The following TLL1 variants were observed in gnomAD, a reference collection of about 807,000 sequenced individuals.
The protein encoded by TLL1 is tolloid-like protein 1.
In TLL1, 49 loss-of-function variants were observed where a neutral mutation model predicts 128.2. That is an observed-to-expected ratio of 0.38 (90% CI 0.30 to 0.48). The LOEUF is 0.48. Among genes scored for constraint, TLL1 ranks in the 20% least tolerant of loss-of-function variants. The pLI, the probability that TLL1 is intolerant of heterozygous loss-of-function variation, is 0.96. For missense variants in TLL1, 1,123 were observed against 1,242.0 expected, an observed-to-expected ratio of 0.90 and a Z score of 1.44; for synonymous variants, 454 against 418.8, an observed-to-expected ratio of 1.08 and a Z score of -1.03.
At chr4:165,989,636 GT>G in intron 2 of TLL1, 145 bp downstream of exon 2, 1 of 591,130 alleles carries the variant, frequency 1.7e-6, no homozygotes, top group Non-Finnish European at 2.9e-6. Context: ...AGAAATGCAG[GT>G]TTTATTCATA....
intron 10 of TLL1, among the ~76,000 whole-genome samples, chr4:166,041,725 T>A (rs559774554): frequency 6.6e-6 from 1 of 152,350 alleles, no homozygotes; most frequent in East Asian, 1.9e-4. Context: ...CCTTGATGCA[T>A]CATTTGACCT....
chr4:165,896,533 A>AGTGCAGTG (rs1731689570), intron 1 of TLL1, among the ~76,000 whole-genome samples: 1 of 130,026 alleles, frequency 7.7e-6, no homozygotes, highest in Non-Finnish European at 1.5e-5. Context: ...CCCAGACTGG[A>AGTGCAGTG]GTGCAGTGGC....
Position 166,055,107 on chromosome 4 carries a change from A to G in TLL1, c.1556A>G (p.Tyr519Cys), listed in dbSNP as rs780122164. 2 of 1,612,494 alleles carry G rather than the reference A, an allele frequency of 1.2e-6. No individual in the cohort carries two copies. The highest frequency in any genetic ancestry group is 1.1e-5 in the South Asian group (1 of 90,654). ...AGACATGACAATTGTGCTTATGACT[A>G]CCTGGAAGTTAGAGATGGAACCAGT... ...IERHDNCAYD[Y>C]LEVRDGTSEN... is the part of the protein sequence containing the mutation. Residue 519 changes from tyrosine (Y) to cysteine (C), a missense_variant, in exon 13 of 21, where the codon TAC becomes TGC. Tyr to Cys is a radical substitution (Grantham distance 194, BLOSUM62 -2). Around this residue, in one of 3 missense-constraint regions of TLL1, gnomAD observed 634 missense variants for 672.4 expected, o/e 0.94. Coordinates refer to ENST00000061240, the MANE Select transcript of TLL1 (RefSeq NM_012464.5).
At chr4:166,085,664 G>A (rs991553219) in intron 18 of TLL1, among the ~76,000 whole-genome samples, 5 of 151,986 alleles carry the variant, frequency 3.3e-5, no homozygotes, top group Non-Finnish European at 7.4e-5. Flanking sequence ...TCAATGTGCT[G>A]TTGAATTCTG....
chr4:165,913,493 G>A (rs970288582), intron 1 of TLL1, among the ~76,000 whole-genome samples: 3 of 152,184 alleles, frequency 2.0e-5, no homozygotes, highest in Non-Finnish European at 2.9e-5. Flanking sequence ...GGGCAAAGCT[G>A]ATCCTTTTTA....
At chr4:166,051,181 A>G (rs1192042872) in intron 12 of TLL1, among the ~76,000 whole-genome samples, 5 of 152,146 alleles carry the variant, frequency 3.3e-5, no homozygotes, top group Non-Finnish European at 7.4e-5. Flanking sequence ...TTCAGCTCCC[A>G]GTTATCTGAA....
At chr4:165,970,581 T>C (rs1735586433) in intron 1 of TLL1, among the ~76,000 whole-genome samples, 1 of 152,184 alleles carries the variant, frequency 6.6e-6, no homozygotes, top group Non-Finnish European at 1.5e-5. Flanking sequence ...CATTATTCTT[T>C]TGACCATGTA....
chr4:165,942,960 A>C (rs1179762863), intron 1 of TLL1, among the ~76,000 whole-genome samples: 1 of 152,098 alleles, frequency 6.6e-6, no homozygotes, highest in Non-Finnish European at 1.5e-5. Flanking sequence ...TTCACTGAGA[A>C]TATTTCAGTT....
At chr4:165,945,624 C>T (rs1734210657) in intron 1 of TLL1, among the ~76,000 whole-genome samples, 1 of 151,504 alleles carries the variant, frequency 6.6e-6, no homozygotes, top group African/African-American at 2.4e-5. Context: ...ACTAGAACAA[C>T]AACTAAAAAG....
chr4:165,960,215 A>T (rs1281469905), intron 1 of TLL1, among the ~76,000 whole-genome samples: 1 of 152,108 alleles, frequency 6.6e-6, no homozygotes, highest in Non-Finnish European at 1.5e-5. Flanking sequence ...CTATGTTCAC[A>T]AACTAGAAAA....
chr4:165,877,116 C>T (rs1041314311), intron 1 of TLL1, among the ~76,000 whole-genome samples: 2 of 152,212 alleles, frequency 1.3e-5, no homozygotes, highest in African/African-American at 4.8e-5. Context: ...TTAAAAGTTA[C>T]ACTATCCTCA....
intron 14 of TLL1, 146 bp downstream of exon 14, chr4:166,057,455 C>A (rs1740076874): frequency 7.9e-7 from 1 of 1,258,794 alleles, no homozygotes; most frequent in Non-Finnish European, 1.1e-6. Flanking sequence ...ACAGTCACAG[C>A]TGATGTGAAA....
intron 9 of TLL1, among the ~76,000 whole-genome samples, chr4:166,030,282 G>T (rs1037475552): frequency 2.6e-5 from 4 of 151,984 alleles, no homozygotes; most frequent in Non-Finnish European, 5.9e-5. Flanking sequence ...CTTTTTGTAT[G>T]CTTAATAGCC....
At chr4:165,910,897 G>A (rs1225828222) in intron 1 of TLL1, among the ~76,000 whole-genome samples, 1 of 151,988 alleles carries the variant, frequency 6.6e-6, no homozygotes, top group Non-Finnish European at 1.5e-5. Context: ...TAAAATCTTT[G>A]TTTGTTGATA....
At chr4:166,040,510 G>A (rs1253865284) in intron 10 of TLL1, among the ~76,000 whole-genome samples, 5 of 152,190 alleles carry the variant, frequency 3.3e-5, no homozygotes, top group Non-Finnish European at 5.9e-5. Context: ...AGCATTACAT[G>A]GCTCAATGTA....
rs917320663 is a variant in TLL1, at chr4:166,026,834, C to A, written c.1158+1403C>A. Among the ~76,000 whole-genome samples, 14 of 152,126 alleles carry A rather than the reference C, an allele frequency of 9.2e-5. No individual in the cohort carries two copies. The Middle Eastern group carries it at 0.01, about 111-fold the overall frequency. On this transcript the variant is annotated intron_variant, in intron 9 of 20. Coordinates refer to ENST00000061240, the MANE Select transcript of TLL1 (RefSeq NM_012464.5). ...TTGTTAGAACCATAGAGTCTTTAGACAACAAAATGAGAGTAAAAGAATCTT... is the reference window on the plus strand; with the variant it reads ...TTGTTAGAACCATAGAGTCTTTAGAAAACAAAATGAGAGTAAAAGAATCTT...
chr4:166,069,869 C>A (rs1054201630), intron 16 of TLL1, among the ~76,000 whole-genome samples: 1 of 151,680 alleles, frequency 6.6e-6, no homozygotes, highest in Admixed American at 6.6e-5. Context: ...TTATAAGCTG[C>A]TCTATAAAAA....
At chr4:166,004,949 C>CGG (rs538455668) in intron 6 of TLL1, among the ~76,000 whole-genome samples, 6,849 of 150,486 alleles carry the variant, frequency 0.046, 173 homozygotes, top group Middle Eastern at 0.078. Context: ...TGGGTGGTGG[C>CGG]GGGGGGGTGC....
At chr4:166,043,791 A>G (rs576028732) in intron 12 of TLL1, among the ~76,000 whole-genome samples, 39 of 146,960 alleles carry the variant, frequency 2.7e-4, no homozygotes, top group African/African-American at 9.4e-4. Context: ...TCTTTTTTGT[A>G]AGAGGAACAA....
Sources: gnomAD v4.1 joint callset for allele counts (sites outside exome capture counted in the v4.1 genomes callset) on GRCh38, gnomAD v4.1.1 for gene constraint, gnomAD v4.1.1 regional missense constraint, MANE v1.5 for transcripts, NCBI Gene and HGNC (gene_info 2026-07-23, HGNC 2026-07-21) for gene names.